Variants in AFG1L observed in about 807,000 individuals in gnomAD.
AFG1L encodes AFG1-like ATPase.
In AFG1L, 53 loss-of-function variants were observed where a neutral mutation model predicts 62.2. That is an observed-to-expected ratio of 0.85 (90% confidence interval 0.68 to 1.07). The LOEUF (loss-of-function observed/expected upper bound fraction) is 1.07. Ranked by LOEUF, AFG1L falls within the 50% of genes least tolerant of loss-of-function variation. The probability of loss-of-function intolerance (pLI) is 0.00; values close to 1 mark genes in which losing one functional copy is unlikely to be tolerated. For missense variants in AFG1L, 555 were observed against 590.5 expected, an observed-to-expected ratio of 0.94 and a Z score of 0.62; for synonymous variants, 228 against 210.3, an observed-to-expected ratio of 1.08 and a Z score of -0.73.
chr6:108,370,387 G>T (rs779442794), intron 6 of AFG1L, among the ~76,000 whole-genome samples: 17 of 152,020 alleles, frequency 1.1e-4, no homozygotes, highest in Non-Finnish European at 2.1e-4. Context: ...TGGTATAAGG[G>T]TATAAGGCAG....
chr6:108,442,760 G>A (rs1195459454), intron 7 of AFG1L, among the ~76,000 whole-genome samples: 1 of 152,102 alleles, frequency 6.6e-6, no homozygotes, highest in African/African-American at 2.4e-5. Flanking sequence ...GGGTAACCAA[G>A]CATCCCAGAT....
chr6:108,392,342 G>A (rs1355717218), intron 6 of AFG1L, among the ~76,000 whole-genome samples: 1 of 152,072 alleles, frequency 6.6e-6, no homozygotes, highest in African/African-American at 2.4e-5. Context: ...TAAAAATATT[G>A]TATAAAATTA....
chr6:108,449,237 A>T (rs1771950629), intron 8 of AFG1L, among the ~76,000 whole-genome samples: 1 of 151,940 alleles, frequency 6.6e-6, no homozygotes, highest in African/African-American at 2.4e-5. Flanking sequence ...ATATAGATAT[A>T]TATAGATAGA....
intron 10 of AFG1L, among the ~76,000 whole-genome samples, chr6:108,489,249 T>C (rs934780591): frequency 6.6e-6 from 1 of 152,180 alleles, no homozygotes; most frequent in African/African-American, 2.4e-5. Context: ...AGGAGAAATC[T>C]GGGAAAGGAG....
chr6:108,522,274 TAATTTC>T lies in AFG1L; in HGVS notation c.1318-22_1318-17del. ...ATTTTCATTTGTGATAGCTTTATTT[TAATTTC>T]TTTGTTTTATAACCAGGATTCAGCA... On this transcript the variant is annotated splice_polypyrimidine_tract_variant and intron_variant, in intron 12 of 12. Transcript: ENST00000368977. 6.2e-7 allele frequency: 1 copy of T among 1,606,648 alleles called. No individual in the cohort carries two copies. The highest frequency in any genetic ancestry group is 8.5e-7 in the Non-Finnish European group (1 of 1,176,166).
At chr6:108,315,427 G>A (rs934966847) in intron 1 of AFG1L, among the ~76,000 whole-genome samples, 2 of 152,098 alleles carry the variant, frequency 1.3e-5, no homozygotes, top group Non-Finnish European at 2.9e-5. Context: ...AGGAGTCTCT[G>A]GTCATTCCCT....
At chr6:108,522,194 A>G (rs537952360) in intron 12 of AFG1L, 103 bp from the exon 13 acceptor site, 2 of 1,020,102 alleles carry the variant, frequency 2.0e-6, no homozygotes, top group East Asian at 5.0e-5. Flanking sequence ...AAAAAGGCAT[A>G]ATCTAAACCG....
chr6:108,341,889 G>C (rs1396241020), intron 2 of AFG1L, among the ~76,000 whole-genome samples: 1 of 152,140 alleles, frequency 6.6e-6, no homozygotes, highest in Non-Finnish European at 1.5e-5. Flanking sequence ...TTCAGATTTT[G>C]AAGTCTGAGT....
intron 3 of AFG1L, among the ~76,000 whole-genome samples, chr6:108,352,710 A>C (rs1779132545): frequency 6.6e-6 from 1 of 152,008 alleles, no homozygotes; most frequent in Admixed American, 6.6e-5. Flanking sequence ...GACTACAGGC[A>C]TGCACCACAA....
chr6:108,425,497 G>GT (rs1229801180), intron 7 of AFG1L, among the ~76,000 whole-genome samples: 1 of 152,066 alleles, frequency 6.6e-6, no homozygotes, highest in Non-Finnish European at 1.5e-5. Context: ...TTATTATACA[G>GT]TGGAGGCGAC....
At chr6:108,351,582 C>G (rs1369034675) in intron 3 of AFG1L, among the ~76,000 whole-genome samples, 6 of 152,204 alleles carry the variant, frequency 3.9e-5, no homozygotes, top group African/African-American at 1.4e-4. Flanking sequence ...CTTGCACCAG[C>G]TAGGACCCGA....
intron 2 of AFG1L, among the ~76,000 whole-genome samples, chr6:108,325,270 G>A (rs1562476015): frequency 6.6e-6 from 1 of 151,980 alleles, no homozygotes; most frequent in Admixed American, 6.6e-5. Flanking sequence ...TGGGGAGAGC[G>A]ATGTCCATCT....
intron 8 of AFG1L, among the ~76,000 whole-genome samples, chr6:108,460,798 A>C (rs1214849605): frequency 1.3e-5 from 2 of 152,144 alleles, no homozygotes; most frequent in African/African-American, 4.8e-5. Context: ...TCTACTAAAA[A>C]TACAAAAAAT....
chr6:108,476,965 A>G, intron 9 of AFG1L, 30 bp downstream of exon 9: 1 of 1,582,844 alleles, frequency 6.3e-7, no homozygotes, highest in South Asian at 1.1e-5. Context: ...TTGAAAGAGA[A>G]TACATTTAGA....
At chr6:108,418,310 G>A (rs923582769) in intron 7 of AFG1L, among the ~76,000 whole-genome samples, 15 of 152,126 alleles carry the variant, frequency 9.9e-5, no homozygotes, top group African/African-American at 2.4e-4. Context: ...ATATATTTAT[G>A]TATTACCTAT....
chr6:108,450,948 A>G (rs1772028571), intron 8 of AFG1L, among the ~76,000 whole-genome samples: 1 of 151,976 alleles, frequency 6.6e-6, no homozygotes, highest in African/African-American at 2.4e-5. Context: ...TAAAAAAAAA[A>G]AAAAAGAAAA....
At chr6:108,416,125 A>G (rs933631972) in intron 7 of AFG1L, among the ~76,000 whole-genome samples, 1 of 152,262 alleles carries the variant, frequency 6.6e-6, no homozygotes, top group South Asian at 2.1e-4. Flanking sequence ...ATGAACAGAC[A>G]CTTCTCAAAA....
At chr6:108,469,968 T>G (rs920632196) in intron 8 of AFG1L, among the ~76,000 whole-genome samples, 1 of 152,198 alleles carries the variant, frequency 6.6e-6, no homozygotes. Flanking sequence ...GTCTTTATCT[T>G]ATTTTCAAAC....
intron 10 of AFG1L, among the ~76,000 whole-genome samples, chr6:108,497,299 T>A (rs754497602): frequency 1.2e-4 from 19 of 152,352 alleles, no homozygotes; most frequent in Non-Finnish European, 2.4e-4. Context: ...ATAACATTCT[T>A]ATTTCTTTGA....
Sources: allele counts gnomAD v4.1 joint callset (sites outside exome capture counted in the v4.1 genomes callset), GRCh38; gene constraint gnomAD v4.1.1; transcripts MANE v1.5; gene names NCBI Gene and HGNC (gene_info 2026-07-23, HGNC 2026-07-21).